Variants in PALS1 observed in about 807,000 individuals in gnomAD.
PALS1 encodes the protein protein associated with LIN7 1, MAGUK p55 family member.
PALS1 carries 31 observed loss-of-function variants against 78.9 expected under a neutral mutation model. The observed-to-expected ratio is 0.39, with a 90% CI of 0.30 to 0.53. PALS1 has a LOEUF of 0.53. Ranked by LOEUF, PALS1 falls within the 20% of genes least tolerant of loss-of-function variation. The pLI, the probability that PALS1 is intolerant of heterozygous loss-of-function variation, is 0.67. For missense variants in PALS1, 704 were observed against 826.5 expected, an observed-to-expected ratio of 0.85 and a Z score of 1.82; for synonymous variants, 276 against 270.9, an observed-to-expected ratio of 1.02 and a Z score of -0.18.
intron 5 of PALS1, 142 bp from the exon 6 acceptor site, chr14:67,301,830 A>AAC: frequency 1.0e-6 from 1 of 981,668 alleles, no homozygotes; most frequent in Non-Finnish European, 1.4e-6. Context: ...TAGTATACTT[A>AAC]ACACATCTTT....
intron 1 of PALS1, among the ~76,000 whole-genome samples, chr14:67,269,339 G>T (rs569869066): frequency 8.6e-5 from 13 of 151,556 alleles, no homozygotes; most frequent in South Asian, 2.1e-4. Flanking sequence ...ACAAGTTTTT[G>T]TGTGTGTGTG....
intron 3 of PALS1, among the ~76,000 whole-genome samples, chr14:67,280,913 T>C (rs1020140084): frequency 2.0e-5 from 3 of 149,174 alleles, no homozygotes; most frequent in Admixed American, 6.7e-5. Context: ...CTTTTTTTTT[T>C]TGAGGTGGAG....
chr14:67,279,662 A>T (rs2084574219), intron 3 of PALS1, 125 bp downstream of exon 3: 5 of 969,092 alleles, frequency 5.2e-6, no homozygotes, highest in Admixed American at 3.3e-5. Flanking sequence ...CCAGACCAAG[A>T]TCCTTTGTTT....
intron 9 of PALS1, among the ~76,000 whole-genome samples, chr14:67,315,606 C>T (rs2085158396): frequency 6.6e-6 from 1 of 152,128 alleles, no homozygotes; most frequent in South Asian, 2.1e-4. Context: ...TAAAATTTTC[C>T]TTCTAGTAAT....
At chr14:67,303,003 T>C (rs1349748841) in intron 7 of PALS1, among the ~76,000 whole-genome samples, 1 of 152,224 alleles carries the variant, frequency 6.6e-6, no homozygotes, top group Non-Finnish European at 1.5e-5. Flanking sequence ...GTGTCCGGCA[T>C]AATAATCACT....
chr14:67,310,717 T>C (rs1274603364), intron 8 of PALS1, among the ~76,000 whole-genome samples: 1 of 152,224 alleles, frequency 6.6e-6, no homozygotes, highest in African/African-American at 2.4e-5. Context: ...AGTTTCAGTT[T>C]GTATATTAGG....
Position 67,333,958 on chromosome 14 carries a change from T to G in PALS1, c.*1002T>G, listed in dbSNP as rs1274685100. 6.6e-6 allele frequency: 1 copy of G among 152,572 alleles called. No homozygotes were observed. The highest frequency in any genetic ancestry group is 1.5e-5 in the Non-Finnish European group (1 of 67,970). 9.5% of individuals were successfully genotyped at this position (152,572 alleles called of 1,614,324 possible). A position where few individuals can be genotyped will look rare whatever the true frequency, so the allele number is the denominator to read the frequency against. ...TATAGGTAATAAACTGGAATTCTGT[T>G]GATGAATATAGCTGCTGTACTGTAT... On this transcript the variant is annotated 3_prime_UTR_variant, in exon 15 of 15. Transcript: ENST00000261681.
At chr14:67,298,546 A>G (rs1388362764) in intron 4 of PALS1, among the ~76,000 whole-genome samples, 1 of 152,012 alleles carries the variant, frequency 6.6e-6, no homozygotes, top group African/African-American at 2.4e-5. Flanking sequence ...TATAAAAACT[A>G]TGAGTAGCGT....
chr14:67,313,332 G>T (rs905179149), intron 9 of PALS1, among the ~76,000 whole-genome samples: 3 of 152,192 alleles, frequency 2.0e-5, no homozygotes, highest in Non-Finnish European at 4.4e-5. Flanking sequence ...GCCATTAGGT[G>T]ATTTCATTGT....
chr14:67,327,679 C>T (rs1277641533), intron 14 of PALS1, among the ~76,000 whole-genome samples: 1 of 151,986 alleles, frequency 6.6e-6, no homozygotes, highest in Non-Finnish European at 1.5e-5. Flanking sequence ...GTGATGTTCC[C>T]CACCCTGTGT....
chr14:67,331,305 A>C (rs2085445927), intron 14 of PALS1, among the ~76,000 whole-genome samples: 1 of 152,122 alleles, frequency 6.6e-6, no homozygotes, highest in South Asian at 2.1e-4. Context: ...TTGGCCTCCC[A>C]AAGTGCTGAG....
At chr14:67,296,505 C>T (rs1281927764) in intron 4 of PALS1, among the ~76,000 whole-genome samples, 2 of 139,986 alleles carry the variant, frequency 1.4e-5, no homozygotes, top group Admixed American at 7.8e-5. Context: ...GGCATGAACC[C>T]GGGGAGGCAG....
At chr14:67,269,302 G>A (rs979091318) in intron 1 of PALS1, among the ~76,000 whole-genome samples, 5 of 151,762 alleles carry the variant, frequency 3.3e-5, no homozygotes, top group Non-Finnish European at 7.4e-5. Context: ...TTGCTATTAC[G>A]AATACTGCTG....
intron 2 of PALS1, chr14:67,272,077 T>C (rs985245776): frequency 8.0e-5 from 12 of 149,222 alleles, no homozygotes; most frequent in Non-Finnish European, 1.5e-4. Flanking sequence ...AAAAAAAAGT[T>C]CAAGGATCCT....
chr14:67,296,211 G>A (rs888512852), intron 4 of PALS1, among the ~76,000 whole-genome samples: 12 of 152,102 alleles, frequency 7.9e-5, no homozygotes, highest in Non-Finnish European at 1.6e-4. Context: ...AAGAGGAAAA[G>A]GCATTCCATG....
chr14:67,279,912 TA>T (rs1358626552), intron 3 of PALS1: 1 of 189,172 alleles, frequency 5.3e-6, no homozygotes, highest in African/African-American at 2.3e-5. Context: ...AAAATAGTAA[TA>T]AATTTGTAAC....
intron 4 of PALS1, among the ~76,000 whole-genome samples, chr14:67,299,256 A>C (rs1286933380): frequency 6.6e-6 from 1 of 152,194 alleles, no homozygotes; most frequent in Non-Finnish European, 1.5e-5. Context: ...GAGTTGTAAG[A>C]GTTCTTAATA....
At chr14:67,323,241 G>A (rs58913669) in intron 13 of PALS1, among the ~76,000 whole-genome samples, 8 of 113,236 alleles carry the variant, frequency 7.1e-5, no homozygotes, top group Admixed American at 2.5e-4. Flanking sequence ...ACGTGTGTGT[G>A]TGTGTGTGTG....
At chr14:67,249,590 T>A (rs1253642038) in intron 1 of PALS1, among the ~76,000 whole-genome samples, 1 of 152,216 alleles carries the variant, frequency 6.6e-6, no homozygotes, top group African/African-American at 2.4e-5. Flanking sequence ...TTGTAGTATA[T>A]CTAATAAGTT....
Sources: gnomAD v4.1 joint callset for allele counts (sites outside exome capture counted in the v4.1 genomes callset) on GRCh38, gnomAD v4.1.1 for gene constraint, MANE v1.5 for transcripts, NCBI Gene and HGNC (gene_info 2026-07-23, HGNC 2026-07-21) for gene names.